AK5: variants seen among roughly 807,000 people sequenced by gnomAD.
AK5 encodes adenylate kinase isoenzyme 5.
AK5 carries 27 observed loss-of-function variants against 69.5 expected under a neutral mutation model. That is an observed-to-expected ratio of 0.39 (90% CI 0.29 to 0.54). The LOEUF is 0.54. AK5 is among the 20% of genes least tolerant of loss of function. AK5 has a pLI of 0.71. For missense variants in AK5, 531 were observed against 700.4 expected (o/e 0.76, Z 2.73); for synonymous variants, 260 against 244.4 (o/e 1.06, Z -0.60).
At chr1:77,317,234 C>T (rs943769934) in intron 5 of AK5, among the ~76,000 whole-genome samples, 2 of 152,108 alleles carry the variant, frequency 1.3e-5, no homozygotes, top group Non-Finnish European at 2.9e-5. Flanking sequence ...GCATGGAAGT[C>T]TCAGGGTAGC....
chr1:77,323,788 G>A (rs184615559), intron 5 of AK5, among the ~76,000 whole-genome samples: 75 of 152,240 alleles, frequency 4.9e-4, no homozygotes, highest in African/African-American at 1.7e-3. Flanking sequence ...ATACATACAC[G>A]TGTGTGTAGA....
intron 7 of AK5, among the ~76,000 whole-genome samples, chr1:77,417,378 G>A (rs1289893675): frequency 6.6e-6 from 1 of 152,146 alleles, no homozygotes; most frequent in East Asian, 1.9e-4. Context: ...CTCTTGGGTT[G>A]CTGAACCTTT....
chr1:77,533,884 C>T (rs540351234), intron 12 of AK5, among the ~76,000 whole-genome samples: 1 of 152,010 alleles, frequency 6.6e-6, no homozygotes, highest in Admixed American at 6.5e-5. Context: ...TCGCCCTCTG[C>T]TGGTGAACAA....
intron 13 of AK5, chr1:77,557,143 G>A (rs1481493470): frequency 6.5e-6 from 1 of 152,708 alleles, no homozygotes; most frequent in African/African-American, 2.4e-5. Context: ...GGCTACTTTG[G>A]GAGTTTCCCT....
chr1:77,368,302 AAT>A (rs1346641316), intron 6 of AK5, among the ~76,000 whole-genome samples: 6 of 98,186 alleles, frequency 6.1e-5, no homozygotes, highest in East Asian at 3.2e-4. Flanking sequence ...TGTTATATAT[AAT>A]ATATATGTTA....
In AK5 at chr1:77,446,008, G is replaced by T. The variant is rs542960432; in HGVS notation, c.1059+28293G>T. On this transcript the variant is annotated intron_variant, in intron 8 of 13. Coordinates refer to ENST00000354567, the MANE Select transcript of AK5 (RefSeq NM_174858.3). The stretch of plus-strand genomic sequence containing the variant: ...GTAATACACAATAAATCATTGCCAA[G>T]GCCAATGTCAAGATCTTTTCTCCTG... 2.3e-3 allele frequency among the ~76,000 whole-genome samples: 347 copies of T among 152,242 alleles called. 3 individuals are homozygous for T. The highest frequency in any genetic ancestry group is 2.4e-3 in the Non-Finnish European group (161 of 68,024).
chr1:77,351,021 C>T (rs972155558), intron 6 of AK5, among the ~76,000 whole-genome samples: 1 of 152,158 alleles, frequency 6.6e-6, no homozygotes, highest in Non-Finnish European at 1.5e-5. Context: ...CATCTTGCAG[C>T]AGTGAGGACA....
chr1:77,349,775 A>G lies in AK5; in HGVS notation c.891+9207A>G, dbSNP rs539429957. 3.1e-4 allele frequency among the ~76,000 whole-genome samples: 47 copies of G among 152,280 alleles called. No individual in the cohort carries two copies. The South Asian group carries it at 6.0e-3, about 20-fold the overall frequency. ...ATTGTTGGACCTTGTATTTTTGTTTATCTATACTACTATCTCTTTCTTACC... is the reference window on the plus strand; with the variant it reads ...ATTGTTGGACCTTGTATTTTTGTTTGTCTATACTACTATCTCTTTCTTACC... On this transcript the variant is annotated intron_variant, in intron 6 of 13. Transcript: ENST00000354567.
intron 6 of AK5, among the ~76,000 whole-genome samples, chr1:77,378,226 A>G (rs1255317178): frequency 6.6e-6 from 1 of 152,226 alleles, no homozygotes; most frequent in Non-Finnish European, 1.5e-5. Flanking sequence ...TTTGAATAAC[A>G]TTTAATTTTT....
chr1:77,287,148 TAGAC>T, intron 2 of AK5, 21 bp downstream of exon 2: 1 of 1,480,224 alleles, frequency 6.8e-7, no homozygotes, highest in East Asian at 2.4e-5. Flanking sequence ...TGGAGAATAA[TAGAC>T]AGTTTTATAG....
intron 6 of AK5, among the ~76,000 whole-genome samples, chr1:77,360,847 A>C (rs1261768078): frequency 6.6e-6 from 1 of 152,226 alleles, no homozygotes; most frequent in Admixed American, 6.5e-5. Context: ...CTTATGGGCC[A>C]GGGATCAAAC....
Position 77,282,337 on chromosome 1 carries a change from G to C in AK5, c.24G>C (p.Glu8Asp). 6.4e-7 allele frequency: 1 copy of C among 1,563,592 alleles called. No individual in the cohort carries two copies. Among genetic ancestry groups the C allele is most frequent in the South Asian group, 1.2e-5 (1 of 84,004 alleles). Residue 8 changes from glutamate (E) to aspartate (D), a missense_variant, in exon 1 of 14, where the codon GAG (glutamate) becomes GAC (aspartate). Coordinates refer to ENST00000354567, the MANE Select transcript of AK5 (RefSeq NM_174858.3). MNTNDAK[E>D]YLARREIPQL... ...CCATGAACACCAACGATGCCAAGGA[G>C]TATCTGGCCCGGAGGGAAATCCCTC...
intron 10 of AK5, 74 bp from the exon 11 acceptor site, chr1:77,518,490 T>G (rs1333135393): frequency 1.3e-6 from 2 of 1,501,986 alleles, no homozygotes; most frequent in East Asian, 4.5e-5. Flanking sequence ...TGAGGCTTGC[T>G]CACCATGGTG....
chr1:77,284,947 A>T (rs964279277), intron 1 of AK5, among the ~76,000 whole-genome samples: 1 of 147,310 alleles, frequency 6.8e-6, no homozygotes, highest in Non-Finnish European at 1.5e-5. Flanking sequence ...AGGCAATAGT[A>T]GGGATAAAAA....
chr1:77,481,575 A>G (rs1340691393), intron 8 of AK5, among the ~76,000 whole-genome samples: 1 of 152,210 alleles, frequency 6.6e-6, no homozygotes, highest in Non-Finnish European at 1.5e-5. Flanking sequence ...GTCTTTAAAT[A>G]AAGTGTTTTG....
intron 8 of AK5, among the ~76,000 whole-genome samples, chr1:77,445,654 A>T (rs960478468): frequency 1.3e-5 from 2 of 152,074 alleles, no homozygotes; most frequent in African/African-American, 2.4e-5. Context: ...GCATGATCTC[A>T]GCTCACTGCA....
At chr1:77,450,900 G>A (rs746232919) in intron 8 of AK5, among the ~76,000 whole-genome samples, 9 of 152,030 alleles carry the variant, frequency 5.9e-5, no homozygotes, top group Admixed American at 1.3e-4. Context: ...AACTAAGCTG[G>A]TGCAGTGGTT....
intron 8 of AK5, among the ~76,000 whole-genome samples, chr1:77,468,136 G>A: frequency 6.6e-6 from 1 of 152,244 alleles, no homozygotes; most frequent in East Asian, 1.9e-4. Context: ...GAACTCTTGA[G>A]GGGGTGGGAG....
intron 10 of AK5, among the ~76,000 whole-genome samples, chr1:77,496,892 T>C (rs1050023185): frequency 1.3e-5 from 2 of 151,874 alleles, no homozygotes; most frequent in Non-Finnish European, 2.9e-5. Context: ...ATGGACTAAT[T>C]GGCACGCTGT....
Sources: gnomAD v4.1 joint callset for allele counts (sites outside exome capture counted in the v4.1 genomes callset) on GRCh38, gnomAD v4.1.1 for gene constraint, MANE v1.5 for transcripts, NCBI Gene and HGNC (gene_info 2026-07-23, HGNC 2026-07-21) for gene names.